PRAM1: variants seen among roughly 807,000 people sequenced by gnomAD.
The protein encoded by PRAM1 is PML-RARA-regulated adapter molecule 1.
PRAM1 carries 41 observed loss-of-function variants against 55.3 expected under a neutral mutation model. The ratio of observed to expected loss-of-function variants is 0.74; its 90% CI spans 0.58 to 0.96. PRAM1 has a LOEUF of 0.96. Ranked by LOEUF, PRAM1 falls within the 40% of genes least tolerant of loss-of-function variation. The pLI is 0.00. For synonymous variants in PRAM1, 401 were observed against 387.1 expected (o/e 1.04, Z -0.42); for missense variants, 898 against 892.7 (o/e 1.01, Z -0.08).
chr19:8,490,534 G>T lies in PRAM1; in HGVS notation c.1907-25C>A. On this transcript the variant is annotated intron_variant, in intron 7 of 9. Coordinates refer to ENST00000423345, the MANE Select transcript of PRAM1 (RefSeq NM_032152.5). This position sits in a 1 kb window ranked among gnomAD's most constrained non-coding sequence, Gnocchi z 7.3. ...TCTGTGGAGAGAGTGGGCATGGTGG[G>T]TTCTGAGGCCCAGGGTGGCGGCGGG... 1 of 1,607,374 alleles carries T rather than the reference G, an allele frequency of 6.2e-7. No homozygotes were observed. The highest frequency in any genetic ancestry group is 8.5e-7 in the Non-Finnish European group (1 of 1,177,146).
intron 4 of PRAM1, among the ~76,000 whole-genome samples, chr19:8,495,528 C>T (rs1049378659): frequency 1.3e-5 from 2 of 152,132 alleles, no homozygotes; most frequent in African/African-American, 2.4e-5. Context: ...GTGTGAGCTG[C>T]CACGCCGGGC....
chr19:8,502,104 CCT>C (rs1355895492), intron 1 of PRAM1, among the ~76,000 whole-genome samples: 1 of 152,200 alleles, frequency 6.6e-6, no homozygotes, highest in Non-Finnish European at 1.5e-5. Flanking sequence ...CTGAAGTGCC[CCT>C]GTCAAAGCCC....
Position 8,493,826 on chromosome 19 carries a change from C to T in PRAM1, c.1577-2669G>A, listed in dbSNP as rs1971661731. Among the ~76,000 whole-genome samples the T allele has an allele frequency of 6.6e-6, 1 of 151,690 alleles. No individual in the cohort carries two copies. Among genetic ancestry groups the T allele is most frequent in the African/African-American group, 2.4e-5 (1 of 41,270 alleles). ...TTTTCTTTTTTTCTTGAGACAGGGT[C>T]TCGTTCTGTTGCCCAGGCTGGAGTG... On this transcript the variant is annotated intron_variant, in intron 4 of 9. Transcript: ENST00000423345. The surrounding 1 kb of genome is among the most constrained non-coding windows in gnomAD (Gnocchi z 4.1).
At position 8,498,879 on chromosome 19, in the gene PRAM1, C is replaced by T. The variant is rs757251739; in HGVS notation, c.929G>A (p.Arg310Gln). 1.9e-6 allele frequency: 3 copies of T among 1,611,840 alleles called. No individual in the cohort carries two copies. The highest frequency in any genetic ancestry group is 2.5e-6 in the Non-Finnish European group (3 of 1,179,146). Residue 310 changes from arginine to glutamine, a missense_variant, in exon 2 of 10, where the codon CGG (arginine) becomes CAG (glutamine). Physicochemically the swap from Arg to Gln is conservative, Grantham distance 43. This residue lies in a region of PRAM1 where 787 missense variants were observed against 735.4 expected (regional missense o/e 1.07). Coordinates refer to ENST00000423345, the MANE Select transcript of PRAM1 (RefSeq NM_032152.5). ...GGAGAGCGCTTTGAATTCGGCCGGC[C>T]GCGGCCTCTTGGGAAGCACGCTGAC... is the stretch of plus-strand genomic sequence containing the variant. ...PEVSVLPKRP[R>Q]PAEFKALSKK... is the part of the protein sequence containing the mutation.
rs761301632 is a variant in PRAM1, at chr19:8,499,292, T to C, written c.516A>G (p.Glu172=). ...APARKPLQPD[E]LSHPARPPSE... ...AGGGGGGTCTGGCGGGGTGACTGAG[T>C]TCGTCGGGCTGCAGGGGTTTCCGGG... The change falls in exon 2 of 10, where the codon GAA becomes GAG. Residue 172 remains glutamate (E), a synonymous_variant. Coordinates refer to ENST00000423345, the MANE Select transcript of PRAM1 (RefSeq NM_032152.5). 1 of 1,608,340 alleles carries C rather than the reference T, an allele frequency of 6.2e-7. No individual in the cohort carries two copies. The highest frequency in any genetic ancestry group is 1.1e-5 in the South Asian group (1 of 90,826).
chr19:8,502,548 C>G lies in PRAM1; in HGVS notation c.27+17G>C. On this transcript the variant is annotated intron_variant, in intron 1 of 9. Transcript: ENST00000423345. ...TGCTTCCCAGCCAGTGAGGCACAGG[C>G]CTCTTCCAGCACTCACCATGGCTGC... 1.3e-6 allele frequency: 2 copies of G among 1,545,572 alleles called. No homozygotes were observed. The highest frequency in any genetic ancestry group is 1.7e-6 in the Non-Finnish European group (2 of 1,146,840).
intron 1 of PRAM1, among the ~76,000 whole-genome samples, chr19:8,501,528 T>TTTTG (rs1971807458): frequency 6.7e-6 from 1 of 149,424 alleles, no homozygotes; most frequent in Non-Finnish European, 1.5e-5. Flanking sequence ...TTTTTTTTTT[T>TTTTG]GTCTCTCTAC....
In PRAM1 at chr19:8,499,310, T is replaced by G; in HGVS notation, c.498A>C (p.Lys166Asn). Reference sequence around the variant, plus strand: ...GACTGAGTTCGTCGGGCTGCAGGGGTTTCCGGGCCGGCGCACCAGGCTCCG... The same window carrying G: ...GACTGAGTTCGTCGGGCTGCAGGGGGTTCCGGGCCGGCGCACCAGGCTCCG... Reference protein sequence around the residue: ...SLPEPGAPARKPLQPDELSHP... With the variant: ...SLPEPGAPARNPLQPDELSHP... The change falls in exon 2 of 10, where the codon AAA (lysine) becomes AAC (asparagine). Residue 166 changes from lysine to asparagine, a missense_variant. This residue lies in a region of PRAM1 where 787 missense variants were observed against 735.4 expected (regional missense o/e 1.07). Transcript: ENST00000423345. 6.2e-7 allele frequency: 1 copy of G among 1,609,354 alleles called. No homozygotes were observed. The highest frequency in any genetic ancestry group is 8.5e-7 in the Non-Finnish European group (1 of 1,178,196).
rs764934823 is a variant in PRAM1, at chr19:8,490,400, G to A, written c.1941-28C>T. The A allele has an allele frequency of 6.8e-6, 11 of 1,613,770 alleles. No individual in the cohort carries two copies. Among genetic ancestry groups the A allele is most frequent in the Non-Finnish European group, 9.3e-6 (11 of 1,179,872 alleles). ...GGCAGAGCACAGTTGGGTCAGCAAGGGGCACCGTGGCCCATTCCCCCCACC... is the reference window on the plus strand; with the variant it reads ...GGCAGAGCACAGTTGGGTCAGCAAGAGGCACCGTGGCCCATTCCCCCCACC... On this transcript the variant is annotated intron_variant, in intron 8 of 9. Transcript: ENST00000423345. The surrounding 1 kb of genome is among the most constrained non-coding windows in gnomAD (Gnocchi z 7.3).
chr19:8,491,204 G>A, intron 4 of PRAM1, 47 bp from the exon 5 acceptor site: 1 of 1,564,194 alleles, frequency 6.4e-7, no homozygotes, highest in East Asian at 2.3e-5. Flanking sequence ...CGCCGGCTCA[G>A]CCTTTACCCT....
At position 8,493,793 on chromosome 19, in the gene PRAM1, CT is replaced by C. The variant is rs371089353; in HGVS notation, c.1577-2637del. On this transcript the variant is annotated intron_variant, in intron 4 of 9. Transcript: ENST00000423345. The surrounding 1 kb of genome is among the most constrained non-coding windows in gnomAD (Gnocchi z 4.1). ...AGCGGGAGATCCAGGGAAGTGGGAC[CT>C]TTTTTTTTTTCTTTTTTTCTTGAGA... is the stretch of plus-strand genomic sequence containing the variant. 2.8e-4 allele frequency among the ~76,000 whole-genome samples: 41 copies of C among 147,220 alleles called. No homozygotes were observed. Among genetic ancestry groups the C allele is most frequent in the South Asian group, 4.3e-4 (2 of 4,666 alleles).
intron 1 of PRAM1, among the ~76,000 whole-genome samples, chr19:8,500,639 C>T (rs1391399104): frequency 1.3e-5 from 2 of 152,188 alleles, no homozygotes; most frequent in Non-Finnish European, 1.5e-5. Context: ...TTCCCTCCGA[C>T]CTCGGGGCCT....
At chr19:8,495,764 C>A (rs1473104236) in intron 4 of PRAM1, among the ~76,000 whole-genome samples, 1 of 151,382 alleles carries the variant, frequency 6.6e-6, no homozygotes, top group African/African-American at 2.4e-5. Context: ...TAGGGACAGG[C>A]AGGCAAGGTG....
rs1246104650 is a variant in PRAM1, at chr19:8,498,513, C to T, written c.1295G>A (p.Gly432Asp). The change falls in exon 2 of 10, where the codon GGC becomes GAC. Residue 432 changes from glycine to aspartate, a missense_variant. Physicochemically the swap from Gly to Asp is moderately conservative, Grantham distance 94 (BLOSUM62 -1). Around this residue, in one of 4 missense-constraint regions of PRAM1, gnomAD observed 787 missense variants for 735.4 expected, o/e 1.07. Coordinates refer to ENST00000423345, the MANE Select transcript of PRAM1 (RefSeq NM_032152.5). ...CCGGGGTGGATGGCTGGGTCTGAGG[C>T]CTGGCCTGGCCCCTCCACTGTGAAC... ...GLVHSGGARP[G>D]LRPSHPPRRR... 1 of 1,601,454 alleles carries T rather than the reference C, an allele frequency of 6.2e-7. No individual in the cohort carries two copies. The highest frequency in any genetic ancestry group is 8.5e-7 in the Non-Finnish European group (1 of 1,173,686).
chr19:8,495,988 A>G (rs1971694258), intron 4 of PRAM1: 1 of 451,198 alleles, frequency 2.2e-6, no homozygotes, highest in Non-Finnish European at 4.5e-6. Flanking sequence ...TTCACCCAGC[A>G]CAAACTTCTA....
chr19:8,490,325 A>G lies in PRAM1; in HGVS notation c.1975+13T>C. 6.2e-7 allele frequency: 1 copy of G among 1,613,900 alleles called. No individual in the cohort carries two copies. Among genetic ancestry groups the G allele is most frequent in the Non-Finnish European group, 8.5e-7 (1 of 1,179,866 alleles). ...GCCAGGGTCCCTCCAGCCCTCCCAG[A>G]GTGTCCACGTACCGCAGAAGTCGAC... On this transcript the variant is annotated intron_variant, in intron 9 of 9. Transcript: ENST00000423345. This position sits in a 1 kb window ranked among gnomAD's most constrained non-coding sequence, Gnocchi z 7.3.
chr19:8,497,815 ACAGCT>A lies in PRAM1; in HGVS notation c.1520_1524del (p.Glu507ValfsTer2). Reference sequence around the variant, plus strand: ...TCATCTCTGGGTTCCACATCGTCATACAGCTCGTAGATCTCATCTGGGACCCTGCG... The same window carrying A: ...TCATCTCTGGGTTCCACATCGTCATACGTAGATCTCATCTGGGACCCTGCG... On this transcript the variant is annotated frameshift_variant, in exon 4 of 10. Transcript: ENST00000423345. LOFTEE classifies it high-confidence loss of function. 3 of 1,611,426 alleles carry A rather than the reference ACAGCT, an allele frequency of 1.9e-6. No individual in the cohort carries two copies. Among genetic ancestry groups the A allele is most frequent in the Non-Finnish European group, 2.5e-6 (3 of 1,179,394 alleles).
intron 1 of PRAM1, among the ~76,000 whole-genome samples, chr19:8,501,245 C>T (rs1029322731): frequency 2.3e-4 from 35 of 151,734 alleles, no homozygotes; most frequent in African/African-American, 7.5e-4. Flanking sequence ...GTGTCTGCCA[C>T]GACGCCTGGC....
In PRAM1 at chr19:8,490,405, C is replaced by T. The variant is rs758199845; in HGVS notation, c.1941-33G>A. On this transcript the variant is annotated intron_variant, in intron 8 of 9. Transcript: ENST00000423345. This position sits in a 1 kb window ranked among gnomAD's most constrained non-coding sequence, Gnocchi z 7.3. ...AGCACAGTTGGGTCAGCAAGGGGCA[C>T]CGTGGCCCATTCCCCCCACCCTGCA... The T allele has an allele frequency of 3.1e-6, 5 of 1,613,754 alleles. No individual in the cohort carries two copies. Among genetic ancestry groups the T allele is most frequent in the African/African-American group, 1.3e-5 (1 of 74,918 alleles).
Sources: allele counts gnomAD v4.1 joint callset (sites outside exome capture counted in the v4.1 genomes callset), GRCh38; gene constraint gnomAD v4.1.1; regional missense constraint gnomAD v4.1.1; non-coding constraint Gnocchi (gnomAD v3.1); transcripts MANE v1.5; gene names NCBI Gene and HGNC (gene_info 2026-07-23, HGNC 2026-07-21).